Variants in GRIA4 observed in about 807,000 individuals in gnomAD.
GRIA4 encodes glutamate ionotropic receptor AMPA type subunit 4, also known as glutamate receptor 4.
A neutral mutation model predicts 104.0 loss-of-function variants in GRIA4; 34 were observed. The ratio of observed to expected loss-of-function variants is 0.33; its 90% CI spans 0.25 to 0.44. GRIA4 has a LOEUF of 0.44. Ranked by LOEUF, GRIA4 falls within the 20% of genes least tolerant of loss-of-function variation. The pLI, the probability that GRIA4 is intolerant of heterozygous loss-of-function variation, is 1.00. For missense variants in GRIA4, 750 were observed against 1,096.5 expected, an observed-to-expected ratio of 0.68 and a Z score of 4.46; for synonymous variants, 386 against 381.9, an observed-to-expected ratio of 1.01 and a Z score of -0.13.
chr11:105,839,657 GA>G (rs1944321388), intron 4 of GRIA4, among the ~76,000 whole-genome samples: 1 of 151,546 alleles, frequency 6.6e-6, no homozygotes, highest in Non-Finnish European at 1.5e-5. Context: ...GCAGTGAGCC[GA>G]GATTGCGCCA....
At chr11:105,623,518 G>A (rs1225221579) in intron 3 of GRIA4, among the ~76,000 whole-genome samples, 1 of 151,920 alleles carries the variant, frequency 6.6e-6, no homozygotes, top group East Asian at 1.9e-4. Context: ...ACTCTTGCCT[G>A]CTTCTTTGTC....
rs372686097 is a variant in GRIA4, at chr11:105,769,065, C to G, written c.487+15845C>G. Among the ~76,000 whole-genome samples, 88 of 152,176 alleles carry G rather than the reference C, an allele frequency of 5.8e-4. 2 individuals are homozygous for G. In the South Asian group the frequency reaches 0.014, roughly 24 times the overall value. Reference sequence around the variant, plus strand: ...GGAAAGTAGTCCACATTGTCTGAGACACATGCTCAGTAACTTGAGAAGCTT... The same window carrying G: ...GGAAAGTAGTCCACATTGTCTGAGAGACATGCTCAGTAACTTGAGAAGCTT... On this transcript the variant is annotated intron_variant, in intron 4 of 16. Transcript: ENST00000282499.
At chr11:105,885,506 T>C (rs1237436915) in intron 5 of GRIA4, among the ~76,000 whole-genome samples, 2 of 152,222 alleles carry the variant, frequency 1.3e-5, no homozygotes, top group African/African-American at 2.4e-5. Flanking sequence ...GGGGCCAAGA[T>C]GACAGGCAGC....
intron 9 of GRIA4, among the ~76,000 whole-genome samples, chr11:105,905,899 G>A (rs1459745631): frequency 6.6e-6 from 1 of 152,138 alleles, no homozygotes; most frequent in Non-Finnish European, 1.5e-5. Context: ...AATAGGTATA[G>A]GAGCGGTCTT....
At chr11:105,757,336 C>T (rs1235557782) in intron 4 of GRIA4, among the ~76,000 whole-genome samples, 1 of 151,970 alleles carries the variant, frequency 6.6e-6, no homozygotes, top group Non-Finnish European at 1.5e-5. Context: ...GTAAAGGATT[C>T]GAGGGCAGAT....
intron 14 of GRIA4, among the ~76,000 whole-genome samples, chr11:105,954,071 G>A (rs1948524823): frequency 6.6e-6 from 1 of 152,132 alleles, no homozygotes; most frequent in South Asian, 2.1e-4. Context: ...TTAACCTCCT[G>A]TAGCTCCTGT....
intron 14 of GRIA4, among the ~76,000 whole-genome samples, chr11:105,971,010 G>A (rs1038998933): frequency 1.3e-5 from 2 of 152,130 alleles, no homozygotes; most frequent in Admixed American, 6.5e-5. Context: ...GAGACAAATA[G>A]AGTCTCTAAT....
In GRIA4 at chr11:105,924,681, G is replaced by A. The variant is rs773098887; in HGVS notation, c.1759G>A (p.Asp587Asn). Residue 587 changes from aspartate to asparagine, a missense_variant, in exon 12 of 17, where the codon GAC (aspartate) becomes AAC (asparagine). Asp to Asn is a conservative substitution (Grantham distance 23). This residue lies in a region of GRIA4 where 272 missense variants were observed against 524.5 expected (regional missense o/e 0.52). Transcript: ENST00000282499. ...AGAGGACGGAAAGGAAGGACCCAGC[G>A]ACCAGCCTCCCAATGAGTTTGGCAT... is the stretch of plus-strand genomic sequence containing the variant. ...EPEDGKEGPS[D>N]QPPNEFGIFN... 3.7e-6 allele frequency: 6 copies of A among 1,612,682 alleles called. No homozygotes were observed. The South Asian group carries it at 4.4e-5, about 12-fold the overall frequency.
chr11:105,885,603 A>G (rs1946227479), intron 5 of GRIA4, among the ~76,000 whole-genome samples: 1 of 152,224 alleles, frequency 6.6e-6, no homozygotes, highest in Non-Finnish European at 1.5e-5. Flanking sequence ...CAGTCAAGTC[A>G]ATACATAAAG....
At chr11:105,617,166 T>C (rs891432735) in intron 3 of GRIA4, among the ~76,000 whole-genome samples, 7 of 149,830 alleles carry the variant, frequency 4.7e-5, no homozygotes, top group African/African-American at 1.5e-4. Context: ...ATATTATTAT[T>C]CTGGATTTTA....
intron 3 of GRIA4, among the ~76,000 whole-genome samples, chr11:105,721,055 G>T (rs1425626030): frequency 6.6e-6 from 1 of 151,956 alleles, no homozygotes; most frequent in East Asian, 1.9e-4. Context: ...CTTCTTCCTG[G>T]GATCAGAGCC....
intron 3 of GRIA4, among the ~76,000 whole-genome samples, chr11:105,751,043 G>T (rs538690098): frequency 6.9e-4 from 105 of 152,202 alleles, no homozygotes; most frequent in African/African-American, 2.5e-3. Context: ...TAAAGTACAC[G>T]ACTTGTAAAT....
intron 4 of GRIA4, among the ~76,000 whole-genome samples, chr11:105,779,930 C>A (rs1941650353): frequency 6.6e-6 from 1 of 152,026 alleles, no homozygotes; most frequent in Admixed American, 6.6e-5. Context: ...TATGTCAAAG[C>A]TATGGAATCT....
At chr11:105,912,944 T>G in intron 10 of GRIA4, 1 of 977,534 alleles carries the variant, frequency 1.0e-6, no homozygotes, top group Non-Finnish European at 1.2e-6. Context: ...TACCTATATC[T>G]AGATATAGAA....
chr11:105,846,917 C>A (rs762883904), intron 4 of GRIA4, among the ~76,000 whole-genome samples: 1 of 152,202 alleles, frequency 6.6e-6, no homozygotes, highest in African/African-American at 2.4e-5. Context: ...TACCTTGTAA[C>A]CCAATTCTGC....
intron 11 of GRIA4, among the ~76,000 whole-genome samples, chr11:105,923,649 T>C (rs903306034): frequency 3.9e-5 from 6 of 152,078 alleles, no homozygotes; most frequent in Non-Finnish European, 8.8e-5. Context: ...AGAAACAAGC[T>C]CAGAAAAATT....
At chr11:105,811,975 A>T (rs1272240899) in intron 4 of GRIA4, among the ~76,000 whole-genome samples, 1 of 152,166 alleles carries the variant, frequency 6.6e-6, no homozygotes, top group African/African-American at 2.4e-5. Flanking sequence ...CATGCTTTTT[A>T]GGAAAGGAAT....
chr11:105,623,387 C>A (rs932758770), intron 3 of GRIA4, among the ~76,000 whole-genome samples: 1 of 151,808 alleles, frequency 6.6e-6, no homozygotes, highest in African/African-American at 2.4e-5. Context: ...ATATTTGAGC[C>A]GGGGGTACCC....
At chr11:105,830,607 G>T (rs934515317) in intron 4 of GRIA4, among the ~76,000 whole-genome samples, 1 of 152,152 alleles carries the variant, frequency 6.6e-6, no homozygotes, top group South Asian at 2.1e-4. Flanking sequence ...CAGATAGTAG[G>T]TGGTCTACTT....
Sources: gnomAD v4.1 joint callset for allele counts (sites outside exome capture counted in the v4.1 genomes callset) on GRCh38, gnomAD v4.1.1 for gene constraint, gnomAD v4.1.1 regional missense constraint, MANE v1.5 for transcripts, NCBI Gene and HGNC (gene_info 2026-07-23, HGNC 2026-07-21) for gene names.